The following TAFA2 variants were observed in gnomAD, a reference collection of about 807,000 sequenced individuals.
TAFA2 encodes the protein chemokine-like protein TAFA-2.
A neutral mutation model predicts 18.8 loss-of-function variants in TAFA2; 7 were observed. The ratio of observed to expected loss-of-function variants is 0.37; its 90% CI spans 0.21 to 0.70. The LOEUF (loss-of-function observed/expected upper bound fraction) is 0.70, where lower values mean the gene tolerates loss of function less well. Among genes scored for constraint, TAFA2 ranks in the 30% least tolerant of loss-of-function variants. TAFA2 has a pLI of 0.53. For missense variants in TAFA2, 122 were observed against 158.1 expected, an observed-to-expected ratio of 0.77 and a Z score of 1.23; for synonymous variants, 60 against 54.2, an observed-to-expected ratio of 1.11 and a Z score of -0.47.
intron 1 of TAFA2, among the ~76,000 whole-genome samples, chr12:61,885,567 G>C (rs766681526): frequency 1.3e-5 from 2 of 152,082 alleles, no homozygotes; most frequent in Non-Finnish European, 2.9e-5. Context: ...GGACCATCTG[G>C]GGAGCATGTG....
intron 1 of TAFA2, among the ~76,000 whole-genome samples, chr12:62,170,964 T>G (rs1049475984): frequency 5.9e-5 from 9 of 152,192 alleles, no homozygotes; most frequent in Admixed American, 2.6e-4. Context: ...ATTTTATACT[T>G]ACACTCCTGT....
chr12:61,772,704 A>G (rs1220068138), intron 2 of TAFA2, among the ~76,000 whole-genome samples: 1 of 152,002 alleles, frequency 6.6e-6, no homozygotes, highest in Non-Finnish European at 1.5e-5. Context: ...TAGGAGGGAC[A>G]TATATTAAGG....
chr12:62,113,096 G>T (rs1430775683), intron 1 of TAFA2, among the ~76,000 whole-genome samples: 1 of 152,040 alleles, frequency 6.6e-6, no homozygotes, highest in Non-Finnish European at 1.5e-5. Flanking sequence ...TTTTTGGGCT[G>T]GTTTTTCCTC....
chr12:62,194,318 C>CACAT, upstream of TAFA2, among the ~76,000 whole-genome samples: 1 of 14,452 alleles, frequency 6.9e-5, no homozygotes, highest in Non-Finnish European at 1.4e-4. Context: ...CACACACACA[C>CACAT]ACACACACAT....
chr12:61,993,393 T>G (rs1489188338), intron 1 of TAFA2, among the ~76,000 whole-genome samples: 1 of 152,200 alleles, frequency 6.6e-6, no homozygotes, highest in Non-Finnish European at 1.5e-5. Flanking sequence ...TATATGTGTA[T>G]GTTGGTCTAC....
intron 4 of TAFA2, among the ~76,000 whole-genome samples, chr12:61,747,789 A>G (rs12184468): frequency 0.37 from 54,084 of 147,864 alleles, 10,151 homozygotes; most frequent in African/African-American, 0.45. Context: ...TGGGTGCAGC[A>G]CACCAGCATG....
At chr12:61,885,094 T>C (rs958648902) in intron 1 of TAFA2, among the ~76,000 whole-genome samples, 4 of 152,148 alleles carry the variant, frequency 2.6e-5, no homozygotes, top group African/African-American at 7.2e-5. Flanking sequence ...TTCAATACAG[T>C]GAGTAAGATG....
chr12:62,188,122 T>C (rs569539140), intron 1 of TAFA2, among the ~76,000 whole-genome samples: 3 of 152,296 alleles, frequency 2.0e-5, no homozygotes, highest in Non-Finnish European at 4.4e-5. Context: ...TTTCTTCTCT[T>C]TGTTTCGATG....
intron 1 of TAFA2, among the ~76,000 whole-genome samples, chr12:61,896,440 C>A: frequency 6.6e-6 from 1 of 152,190 alleles, no homozygotes. Context: ...AGATTGCATA[C>A]AATTATCTCT....
chr12:62,027,737 A>G (rs181828403), intron 1 of TAFA2, among the ~76,000 whole-genome samples: 3 of 152,274 alleles, frequency 2.0e-5, no homozygotes, highest in East Asian at 3.9e-4. Flanking sequence ...TTTCCCTTTT[A>G]GAGATGAGAA....
At chr12:62,252,027 T>A (rs984349790) in intron 1 of TAFA2, 1 of 152,236 alleles carries the variant, frequency 6.6e-6, no homozygotes, top group Non-Finnish European at 1.5e-5. Context: ...GCGAGATACA[T>A]AGATTCCATT....
chr12:61,717,533 G>A (rs911787479), intron 4 of TAFA2, among the ~76,000 whole-genome samples: 1 of 152,138 alleles, frequency 6.6e-6, no homozygotes. Context: ...AACACTTTGA[G>A]ATATGTTTAA....
intron 1 of TAFA2, among the ~76,000 whole-genome samples, chr12:62,084,650 C>T (rs375699395): frequency 1.6e-3 from 236 of 152,162 alleles, no homozygotes; most frequent in African/African-American, 5.5e-3. Flanking sequence ...TATGCTTGGG[C>T]AATCAAAAAC....
At chr12:62,149,740 A>G (rs1394630916) in intron 1 of TAFA2, among the ~76,000 whole-genome samples, 1 of 152,086 alleles carries the variant, frequency 6.6e-6, no homozygotes, top group Non-Finnish European at 1.5e-5. Context: ...ATTCTTCAAT[A>G]TTCAGCTGTA....
At chr12:62,139,828 TGAGAA>T (rs2062225885) in intron 1 of TAFA2, among the ~76,000 whole-genome samples, 1 of 152,178 alleles carries the variant, frequency 6.6e-6, no homozygotes, top group African/African-American at 2.4e-5. Context: ...GGTTTGGATT[TGAGAA>T]GTGACTCGCC....
chr12:62,016,505 C>T (rs777056068), intron 1 of TAFA2, among the ~76,000 whole-genome samples: 2 of 152,088 alleles, frequency 1.3e-5, no homozygotes, highest in African/African-American at 2.4e-5. Flanking sequence ...AAAAGCTAAT[C>T]GGAAAATGTT....
chr12:61,913,715 G>A (rs1215048931), intron 1 of TAFA2, among the ~76,000 whole-genome samples: 1 of 152,116 alleles, frequency 6.6e-6, no homozygotes, highest in East Asian at 1.9e-4. Context: ...AATGAATGGG[G>A]TCAGCAATAA....
At chr12:61,739,629 A>G (rs1054023879) in intron 4 of TAFA2, among the ~76,000 whole-genome samples, 4 of 152,040 alleles carry the variant, frequency 2.6e-5, no homozygotes, top group African/African-American at 9.7e-5. Flanking sequence ...TTTTATCATA[A>G]TTTCCCTTAT....
intron 1 of TAFA2, among the ~76,000 whole-genome samples, chr12:62,035,466 C>A (rs1041974437): frequency 6.6e-6 from 1 of 151,764 alleles, no homozygotes; most frequent in African/African-American, 2.4e-5. Flanking sequence ...TCACTGAGCT[C>A]TGAAGTTCCT....
Sources: allele counts gnomAD v4.1 joint callset (sites outside exome capture counted in the v4.1 genomes callset), GRCh38; gene constraint gnomAD v4.1.1; transcripts MANE v1.5; gene names NCBI Gene and HGNC (gene_info 2026-07-23, HGNC 2026-07-21).